ZC3H14: variants seen among roughly 807,000 people sequenced by gnomAD.
The protein encoded by ZC3H14 is zinc finger CCCH domain-containing protein 14.
In ZC3H14, 31 loss-of-function variants were observed where a neutral mutation model predicts 92.4. The observed-to-expected ratio is 0.34, with a 90% CI of 0.25 to 0.45. The LOEUF is 0.45. ZC3H14 is among the 20% of genes least tolerant of loss of function. ZC3H14 has a pLI of 1.00. For missense variants in ZC3H14, 781 were observed against 897.3 expected (o/e 0.87, Z 1.66); for synonymous variants, 321 against 300.9 (o/e 1.07, Z -0.69).
chr14:88,597,280 C>A (rs1191672796), intron 10 of ZC3H14, among the ~76,000 whole-genome samples: 2 of 152,154 alleles, frequency 1.3e-5, no homozygotes, highest in East Asian at 3.9e-4. Context: ...CCTTTCCTCT[C>A]CCCACAGACA....
rs776174547 is a variant in ZC3H14 at position 88,618,610 on chromosome 14, G to A, written c.*6859G>A. On this transcript the variant is annotated 3_prime_UTR_variant, in exon 17 of 17. Coordinates refer to ENST00000251038, the MANE Select transcript of ZC3H14 (RefSeq NM_024824.5). Reference sequence around the variant, plus strand: ...TTCACTAACACGAAATGTAAAAGCAGAAGAACTTGCCACCTGGGTATACAG... The same window carrying A: ...TTCACTAACACGAAATGTAAAAGCAAAAGAACTTGCCACCTGGGTATACAG... 6.3e-7 allele frequency: 1 copy of A among 1,576,610 alleles called. No individual in the cohort carries two copies. Among genetic ancestry groups the A allele is most frequent in the Non-Finnish European group, 8.6e-7 (1 of 1,163,210 alleles).
intron 9 of ZC3H14, among the ~76,000 whole-genome samples, chr14:88,588,077 C>T (rs573427266): frequency 6.6e-6 from 1 of 151,090 alleles, no homozygotes; most frequent in Non-Finnish European, 1.5e-5. Context: ...TTCTTTTTTC[C>T]CTTCTTTCAT....
intron 9 of ZC3H14, chr14:88,594,590 T>A: frequency 6.5e-7 from 1 of 1,545,322 alleles, no homozygotes; most frequent in Non-Finnish European, 8.7e-7. Flanking sequence ...TTATTTGCTC[T>A]TAATACGTCT....
In ZC3H14 at chr14:88,563,622, C is replaced by G. The variant is rs201352046; in HGVS notation, c.37-29C>G. ...CTTGTTTTCCTAGAGCCGCCTTTCT[C>G]ACATGCACGTTTGCTCTTTTTCTCT... On this transcript the variant is annotated intron_variant, in intron 1 of 16. Coordinates refer to ENST00000251038, the MANE Select transcript of ZC3H14 (RefSeq NM_024824.5). The G allele has an allele frequency of 2.0e-5, 33 of 1,613,616 alleles. No individual in the cohort carries two copies. In the African/African-American group the frequency reaches 3.3e-4, roughly 16 times the overall value.
In ZC3H14 at chr14:88,624,833, G is replaced by T; in HGVS notation, c.*13082G>T. 2.2e-6 allele frequency: 2 copies of T among 923,882 alleles called. No homozygotes were observed. The highest frequency in any genetic ancestry group is 3.2e-6 in the Non-Finnish European group (2 of 628,880). 57.2% of individuals were successfully genotyped at this position (923,882 alleles called of 1,614,324 possible). A position where few individuals can be genotyped will look rare whatever the true frequency, so the allele number is the denominator to read the frequency against. On this transcript the variant is annotated 3_prime_UTR_variant, in exon 17 of 17. Coordinates refer to ENST00000251038, the MANE Select transcript of ZC3H14 (RefSeq NM_024824.5). Reference sequence around the variant, plus strand: ...GAATCAAATAGAAGGCACATAAAAGGTAATAAAGGAGAAGCATATGAGGAG... The same window carrying T: ...GAATCAAATAGAAGGCACATAAAAGTTAATAAAGGAGAAGCATATGAGGAG...
chr14:88,605,255 T>C (rs554546314), intron 12 of ZC3H14, among the ~76,000 whole-genome samples: 5 of 152,352 alleles, frequency 3.3e-5, no homozygotes, highest in Admixed American at 6.5e-5. Flanking sequence ...AAAAAACCTG[T>C]AAAAATTAGA....
chr14:88,592,178 T>G (rs2083218352), intron 9 of ZC3H14: 1 of 97,294 alleles, frequency 1.0e-5, no homozygotes, highest in Admixed American at 9.2e-5. Context: ...TTCCTGCTTT[T>G]TTCCTTGAGG....
intron 10 of ZC3H14, 112 bp downstream of exon 10, chr14:88,596,920 T>C (rs894120133): frequency 2.3e-6 from 2 of 869,796 alleles, no homozygotes; most frequent in Admixed American, 3.9e-5. Flanking sequence ...TAAGATGTTA[T>C]ATTTAGATCT....
chr14:88,574,280 C>G (rs1195397404), intron 6 of ZC3H14: 1 of 173,906 alleles, frequency 5.8e-6, no homozygotes, highest in Non-Finnish European at 1.2e-5. Context: ...GTGTCTCACT[C>G]TGTCGCCCAG....
intron 8 of ZC3H14, among the ~76,000 whole-genome samples, chr14:88,577,679 C>T (rs1156475935): frequency 6.6e-6 from 1 of 152,082 alleles, no homozygotes; most frequent in Non-Finnish European, 1.5e-5. Flanking sequence ...AAGCAATTCT[C>T]CTGCCTCAGC....
chr14:88,586,141 C>G (rs561632263), intron 9 of ZC3H14, among the ~76,000 whole-genome samples: 1 of 152,312 alleles, frequency 6.6e-6, no homozygotes, highest in Admixed American at 6.5e-5. Context: ...GCACTCCAGC[C>G]TGAGCGACAA....
chr14:88,586,723 G>A (rs1275638127), intron 9 of ZC3H14: 4 of 152,104 alleles, frequency 2.6e-5, no homozygotes, highest in Non-Finnish European at 1.5e-5. Flanking sequence ...GAAATAAAAT[G>A]CATTATGAAA....
chr14:88,611,049 T>G (rs2086617715), intron 16 of ZC3H14, 109 bp downstream of exon 16: 1 of 1,098,286 alleles, frequency 9.1e-7, no homozygotes, highest in Non-Finnish European at 1.4e-6. Flanking sequence ...TTACTTTGAA[T>G]TTTTTTCTTT....
chr14:88,600,441 CTTTTTTTTTT>C (rs201793653), intron 10 of ZC3H14, among the ~76,000 whole-genome samples: 1 of 143,356 alleles, frequency 7.0e-6, no homozygotes, highest in East Asian at 2.0e-4. Flanking sequence ...TTTCTTTTCT[CTTTTTTTTTT>C]TTTTGGTTTG....
At position 88,623,693 on chromosome 14, in the gene ZC3H14, T is replaced by G. The variant is rs2089467545; in HGVS notation, c.*11942T>G. On this transcript the variant is annotated 3_prime_UTR_variant, in exon 17 of 17. Coordinates refer to ENST00000251038, the MANE Select transcript of ZC3H14 (RefSeq NM_024824.5). ...TCCCAAAGTGTTGGGATTACAGGCG[T>G]GAGCCACTGCAACTGGCCCAGAGCT... 6.6e-6 allele frequency: 1 copy of G among 152,332 alleles called. No homozygotes were observed. The highest frequency in any genetic ancestry group is 1.5e-5 in the Non-Finnish European group (1 of 68,128). 9.4% of individuals were successfully genotyped at this position (152,332 alleles called of 1,614,324 possible). A position where few individuals can be genotyped will look rare whatever the true frequency, so the allele number is the denominator to read the frequency against.
chr14:88,606,282 G>A (rs1178988084), intron 12 of ZC3H14, among the ~76,000 whole-genome samples: 1 of 152,108 alleles, frequency 6.6e-6, no homozygotes. Flanking sequence ...CATAGTAATC[G>A]AAGCTGTGAT....
At position 88,604,269 on chromosome 14, in the gene ZC3H14, G is replaced by A. The variant is rs114343541; in HGVS notation, c.1747+1209G>A. ...GTTAGTAAAAATTCTTGCCAGTGCT[G>A]TGGCCATTGTGCTGACAGCCATGAT... On this transcript the variant is annotated intron_variant, in intron 12 of 16. Coordinates refer to ENST00000251038, the MANE Select transcript of ZC3H14 (RefSeq NM_024824.5). Among the ~76,000 whole-genome samples the A allele has an allele frequency of 2.4e-3, 367 of 152,282 alleles. 1 individual carries two copies. Among genetic ancestry groups the A allele is most frequent in the African/African-American group, 8.4e-3 (351 of 41,558 alleles).
chr14:88,568,014 T>C (rs372721466), intron 2 of ZC3H14, 25 bp from the exon 3 acceptor site: 10 of 1,598,374 alleles, frequency 6.3e-6, no homozygotes, highest in African/African-American at 1.3e-5. Context: ...AAACAAAGTT[T>C]TGATCTACCT....
chr14:88,591,632 A>G lies in ZC3H14; in HGVS notation c.1280-5102A>G, dbSNP rs192067443. On this transcript the variant is annotated intron_variant, in intron 9 of 16. Transcript: ENST00000251038. The stretch of plus-strand genomic sequence containing the variant: ...GAGATTTTACATTCAAAGAAAATGG[A>G]AAATCCCCCTGCTTTGCTCGGAGGG... The G allele has an allele frequency of 1.2e-4, 18 of 152,346 alleles. No individual in the cohort carries two copies. In the East Asian group the frequency reaches 3.5e-3, roughly 29 times the overall value. 9.4% of individuals were successfully genotyped at this position (152,346 alleles called of 1,614,324 possible).
Sources: allele counts gnomAD v4.1 joint callset (sites outside exome capture counted in the v4.1 genomes callset), GRCh38; gene constraint gnomAD v4.1.1; transcripts MANE v1.5; gene names NCBI Gene and HGNC (gene_info 2026-07-23, HGNC 2026-07-21).